MYO5A: variants seen among roughly 807,000 people sequenced by gnomAD.
The protein encoded by MYO5A is myosin VA.
A neutral mutation model predicts 249.7 loss-of-function variants in MYO5A; 98 were observed. The ratio of observed to expected loss-of-function variants is 0.39; its 90% CI spans 0.33 to 0.46. The LOEUF (loss-of-function observed/expected upper bound fraction) is 0.46. MYO5A is among the 20% of genes least tolerant of loss of function. The probability of loss-of-function intolerance (pLI) is 0.98; values close to 1 mark genes in which losing one functional copy is unlikely to be tolerated. For synonymous variants in MYO5A, 778 were observed against 810.6 expected (o/e 0.96, Z 0.68); for missense variants, 1,696 against 2,308.8 (o/e 0.73, Z 5.44).
chr15:52,501,876 T>TACAC (rs10552352), intron 1 of MYO5A, among the ~76,000 whole-genome samples: 1,549 of 140,506 alleles, frequency 0.011, 8 homozygotes, highest in African/African-American at 0.016. Flanking sequence ...ATACATATAC[T>TACAC]ACACACACAC....
At chr15:52,499,962 C>T (rs189808560) in intron 1 of MYO5A, among the ~76,000 whole-genome samples, 1 of 152,192 alleles carries the variant, frequency 6.6e-6, no homozygotes, top group Admixed American at 6.5e-5. Context: ...GCAGGGGGAT[C>T]GCTTGGGTGA....
chr15:52,487,930 G>A (rs999073486), intron 1 of MYO5A, among the ~76,000 whole-genome samples: 2 of 151,882 alleles, frequency 1.3e-5, no homozygotes, highest in African/African-American at 2.4e-5. Context: ...CATTCTTTGG[G>A]CTCCAGCAGT....
chr15:52,426,240 T>C (rs572054340), intron 3 of MYO5A, among the ~76,000 whole-genome samples: 6 of 152,262 alleles, frequency 3.9e-5, no homozygotes, highest in African/African-American at 1.4e-4. Flanking sequence ...TTTAAATATC[T>C]TCATATATTT....
At chr15:52,387,648 T>G in intron 14 of MYO5A, 181 bp downstream of exon 14, 1 of 573,800 alleles carries the variant, frequency 1.7e-6, no homozygotes. Flanking sequence ...TGAGTTAGCA[T>G]TTTCAATACA....
intron 1 of MYO5A, among the ~76,000 whole-genome samples, chr15:52,472,900 A>G (rs767468119): frequency 1.3e-5 from 2 of 152,210 alleles, no homozygotes; most frequent in Non-Finnish European, 2.9e-5. Flanking sequence ...TCCTTTGGGT[A>G]TATACCCAGT....
chr15:52,468,661 C>T (rs1236185614), intron 1 of MYO5A, among the ~76,000 whole-genome samples: 2 of 152,006 alleles, frequency 1.3e-5, no homozygotes, highest in African/African-American at 4.8e-5. Context: ...CAGAGACAGA[C>T]CCTGTCTCTA....
intron 1 of MYO5A, among the ~76,000 whole-genome samples, chr15:52,482,232 T>C (rs1405195446): frequency 6.6e-6 from 1 of 152,218 alleles, no homozygotes; most frequent in Non-Finnish European, 1.5e-5. Context: ...GCCATCTCTT[T>C]TTTTCGTTTA....
rs1244521144 is a variant in MYO5A at position 52,379,647 on chromosome 15, T to A, written c.2186A>T (p.Asn729Ile). 1 of 1,614,040 alleles carries A rather than the reference T, an allele frequency of 6.2e-7. No individual in the cohort carries two copies. Among genetic ancestry groups the A allele is most frequent in the Non-Finnish European group, 8.5e-7 (1 of 1,179,878 alleles). ...VLSDRKQTCK[N>I]VLEKLILDKD... is the part of the protein sequence containing the mutation. ...CACCAGTATCAGTTTCTCTAACACA[T>A]TCTTGCATGTTTGCTTTCTGTCACT... Residue 729 changes from asparagine to isoleucine, a missense_variant, in exon 18 of 42, where the codon AAT becomes ATT. Asn to Ile is a moderately radical substitution (Grantham distance 149). Transcript: ENST00000399233.
intron 22 of MYO5A, among the ~76,000 whole-genome samples, chr15:52,368,463 T>C (rs2040926187): frequency 6.6e-6 from 1 of 152,180 alleles, no homozygotes; most frequent in African/African-American, 2.4e-5. Context: ...CCAGCAGTTT[T>C]GATAAATGCT....
intron 20 of MYO5A, 75 bp from the exon 21 acceptor site, chr15:52,372,438 A>G: frequency 6.4e-7 from 1 of 1,571,320 alleles, no homozygotes; most frequent in Non-Finnish European, 8.6e-7. Flanking sequence ...TGTCGGGCTG[A>G]AAATCCACAC....
At chr15:52,316,999 C>T (rs1166707942) in intron 40 of MYO5A, 49 bp downstream of exon 40, 2 of 1,577,462 alleles carry the variant, frequency 1.3e-6, no homozygotes, top group Non-Finnish European at 1.7e-6. Context: ...CCCTAAAGAT[C>T]ATCTTTGATG....
At chr15:52,390,127 T>G (rs976146309) in intron 12 of MYO5A, among the ~76,000 whole-genome samples, 2 of 152,172 alleles carry the variant, frequency 1.3e-5, no homozygotes, top group Non-Finnish European at 2.9e-5. Flanking sequence ...GAAAGATGGT[T>G]ACCAGAGGCT....
intron 4 of MYO5A, among the ~76,000 whole-genome samples, chr15:52,420,641 T>C (rs908176532): frequency 6.6e-6 from 1 of 152,184 alleles, no homozygotes; most frequent in Non-Finnish European, 1.5e-5. Flanking sequence ...ACTCATATAA[T>C]GGAGAATTCT....
Position 52,342,862 on chromosome 15 carries a change from G to A in MYO5A, c.4040+255C>T, listed in dbSNP as rs58029714. Among the ~76,000 whole-genome samples the A allele has an allele frequency of 0.097, 14,667 of 151,814 alleles. 2,223 individuals carry two copies. The highest frequency in any genetic ancestry group is 0.33 in the African/African-American group (13,449 of 41,244). ...ACCCAGGAGGCAGAGGTTGCAGTGAGCTGAGATCGCACCACTGCACTCCAG... is the reference window on the plus strand; with the variant it reads ...ACCCAGGAGGCAGAGGTTGCAGTGAACTGAGATCGCACCACTGCACTCCAG... On this transcript the variant is annotated intron_variant, in intron 31 of 41. Transcript: ENST00000399233.
chr15:52,471,455 G>A (rs2076467035), intron 1 of MYO5A, among the ~76,000 whole-genome samples: 1 of 151,734 alleles, frequency 6.6e-6, no homozygotes, highest in African/African-American at 2.4e-5. Flanking sequence ...AAAAGAAAAA[G>A]AAAAAGGAAA....
At chr15:52,527,716 C>T (rs536191685) in intron 1 of MYO5A, among the ~76,000 whole-genome samples, 93 of 152,352 alleles carry the variant, frequency 6.1e-4, no homozygotes, top group African/African-American at 2.1e-3. Flanking sequence ...ATCCAGGTCT[C>T]TTGATGCCCA....
intron 35 of MYO5A, among the ~76,000 whole-genome samples, chr15:52,329,376 T>TG (rs1305747504): frequency 2.6e-5 from 4 of 152,328 alleles, no homozygotes; most frequent in African/African-American, 9.6e-5. Flanking sequence ...GGAGGAATGC[T>TG]GTGCAAAGGC....
intron 39 of MYO5A, 62 bp downstream of exon 39, chr15:52,318,998 C>G: frequency 6.3e-7 from 1 of 1,591,074 alleles, no homozygotes; most frequent in Non-Finnish European, 8.6e-7. Flanking sequence ...CAGCTCTCCA[C>G]AACCCTGGCA....
In MYO5A at chr15:52,490,648, G is replaced by A. The variant is rs574429385; in HGVS notation, c.27+38132C>T. Among the ~76,000 whole-genome samples the A allele has an allele frequency of 2.0e-5, 3 of 152,326 alleles. No homozygotes were observed. In the South Asian group the frequency reaches 6.2e-4, roughly 32 times the overall value. On this transcript the variant is annotated intron_variant, in intron 1 of 41. Transcript: ENST00000399233. ...AGGGAGTGGGGAATAGGGAGTTATT[G>A]TTTAATGGGTACAGGGATATAGTTT...
Sources: gnomAD v4.1 joint callset for allele counts (sites outside exome capture counted in the v4.1 genomes callset) on GRCh38, gnomAD v4.1.1 for gene constraint, MANE v1.5 for transcripts, NCBI Gene and HGNC (gene_info 2026-07-23, HGNC 2026-07-21) for gene names.